The following MIA2 variants were observed in gnomAD, a reference collection of about 807,000 sequenced individuals.
MIA2 encodes MIA SH3 domain ER export factor 2.
A neutral mutation model predicts 167.8 loss-of-function variants in MIA2; 127 were observed. That is an observed-to-expected ratio of 0.76 (90% CI 0.66 to 0.88). The LOEUF (loss-of-function observed/expected upper bound fraction) is 0.88. MIA2 is among the 40% of genes least tolerant of loss of function. The probability of loss-of-function intolerance (pLI) is 0.00; values close to 1 mark genes in which losing one functional copy is unlikely to be tolerated. For missense variants in MIA2, 1,690 were observed against 1,624.7 expected (o/e 1.04, Z -0.69); for synonymous variants, 552 against 541.9 (o/e 1.02, Z -0.26).
intron 9 of MIA2, among the ~76,000 whole-genome samples, chr14:39,286,655 G>T (rs140801785): frequency 6.7e-6 from 1 of 150,052 alleles, no homozygotes; most frequent in Non-Finnish European, 1.5e-5. Context: ...CTCTGATTTG[G>T]ATATCTTTTC....
chr14:39,262,934 C>G lies in MIA2; in HGVS notation c.1887+9763C>G, dbSNP rs181017565. ...TTTTGGGCTGAGATGATGGGGTTTT[C>G]TAAATATACAATCATGTCACCTGCA... On this transcript the variant is annotated intron_variant, in intron 6 of 28. Transcript: ENST00000640607. Among the ~76,000 whole-genome samples, 336 of 152,276 alleles carry G rather than the reference C, an allele frequency of 2.2e-3. 4 individuals carry two copies. Among genetic ancestry groups the G allele is most frequent in the Middle Eastern group, 0.01 (3 of 294 alleles).
At chr14:39,268,865 C>T (rs978159860) in intron 6 of MIA2, among the ~76,000 whole-genome samples, 3 of 151,990 alleles carry the variant, frequency 2.0e-5, no homozygotes, top group African/African-American at 4.8e-5. Flanking sequence ...AGAAGGACTC[C>T]CAGGTTTCTG....
At chr14:39,300,172 ATACT>A (rs2152872556) in intron 14 of MIA2, among the ~76,000 whole-genome samples, 186 bp downstream of exon 14, 1 of 152,322 alleles carries the variant, frequency 6.6e-6, no homozygotes, top group East Asian at 1.9e-4. Context: ...ACACACACAC[ATACT>A]TATATGAATA....
chr14:39,369,654 T>C (rs115217442), intron 23 of MIA2, among the ~76,000 whole-genome samples: 344 of 152,352 alleles, frequency 2.3e-3, no homozygotes, highest in African/African-American at 7.8e-3. Context: ...TTTACTGTTA[T>C]GGGATTTCAG....
chr14:39,275,104 A>T (rs866469665), intron 6 of MIA2, among the ~76,000 whole-genome samples: 2 of 132,746 alleles, frequency 1.5e-5, no homozygotes, highest in African/African-American at 2.8e-5. Context: ...TTTTTTTTTT[A>T]AATTATTCCT....
At chr14:39,256,809 G>A (rs2054835601) in intron 6 of MIA2, among the ~76,000 whole-genome samples, 2 of 152,086 alleles carry the variant, frequency 1.3e-5, no homozygotes, top group African/African-American at 4.8e-5. Flanking sequence ...AGAGACTTAT[G>A]CCAAGAATAG....
chr14:39,241,831 T>G (rs896849082), intron 3 of MIA2, among the ~76,000 whole-genome samples: 2 of 152,236 alleles, frequency 1.3e-5, no homozygotes, highest in Non-Finnish European at 2.9e-5. Flanking sequence ...CCACATGATC[T>G]GCTCCTGCCT....
At chr14:39,266,416 C>T in intron 6 of MIA2, 1 of 985,424 alleles carries the variant, frequency 1.0e-6, no homozygotes, top group Non-Finnish European at 1.2e-6. Context: ...CGGAGGAAAA[C>T]AGCACGCACC....
At chr14:39,298,413 T>TTATATATA (rs71130838) in intron 13 of MIA2, among the ~76,000 whole-genome samples, 6 of 26,152 alleles carry the variant, frequency 2.3e-4, no homozygotes, top group South Asian at 1.4e-3. Flanking sequence ...TGATTCTGTT[T>TTATATATA]TATATATATA....
chr14:39,281,244 C>G (rs1218610157), intron 9 of MIA2, among the ~76,000 whole-genome samples: 2 of 152,164 alleles, frequency 1.3e-5, no homozygotes, highest in South Asian at 4.1e-4. Context: ...TTTTGAAACA[C>G]TCTTGATTGT....
chr14:39,267,067 A>G, intron 6 of MIA2: 1 of 1,059,796 alleles, frequency 9.4e-7, no homozygotes, highest in Non-Finnish European at 1.1e-6. Flanking sequence ...TTAAGAGCAA[A>G]CGACCCGGAC....
rs558848153 is a variant in MIA2, at chr14:39,315,120, T to TAA, written c.3180+346_3180+347dup. The TAA allele has an allele frequency of 5.8e-3, 618 of 105,808 alleles. 12 individuals carry two copies. The highest frequency in any genetic ancestry group is 0.017 in the African/African-American group (379 of 22,890). 6.6% of individuals were successfully genotyped at this position (105,808 alleles called of 1,614,324 possible). ...TAACATGGCAAAACCCTGTCTCTAC[T>TAA]AAAAAAAAAAAAAAAAAAAAAAAAA... is the stretch of plus-strand genomic sequence containing the variant. On this transcript the variant is annotated intron_variant, in intron 20 of 28. Transcript: ENST00000640607.
Position 39,315,707 on chromosome 14 carries a change from CATG to C in MIA2, c.3208_3210del (p.Asp1070del). ...GATTATTTCCCATGAGAAAAAAGCA[CATG>C]ATAATTGGGTAAGTTTAAAATTTCC... On this transcript the variant is annotated inframe_deletion, in exon 21 of 29. Coordinates refer to ENST00000640607, the MANE Select transcript of MIA2 (RefSeq NM_001329214.4). 6.4e-7 allele frequency: 1 copy of C among 1,553,084 alleles called. No homozygotes were observed. Among genetic ancestry groups the C allele is most frequent in the Non-Finnish European group, 8.8e-7 (1 of 1,136,564 alleles).
Position 39,236,975 on chromosome 14 carries a change from T to C in MIA2, c.169T>C (p.Tyr57His). 1 of 1,614,108 alleles carries C rather than the reference T, an allele frequency of 6.2e-7. No individual in the cohort carries two copies. Among genetic ancestry groups the C allele is most frequent in the Non-Finnish European group, 8.5e-7 (1 of 1,179,964 alleles). The change falls in exon 2 of 29, where the codon TAC becomes CAC. Residue 57 changes from tyrosine (Y) to histidine (H), a missense_variant. Tyr to His is a moderately conservative substitution (Grantham distance 83). Coordinates refer to ENST00000640607, the MANE Select transcript of MIA2 (RefSeq NM_001329214.4). ...AGATTATAGAGGACCTGACTGCCGATACCTGAACTTCACTAAGGGAGAAGA... is the reference window on the plus strand; with the variant it reads ...AGATTATAGAGGACCTGACTGCCGACACCTGAACTTCACTAAGGGAGAAGA... ...MRDYRGPDCR[Y>H]LNFTKGEEIS...
intron 6 of MIA2, chr14:39,267,254 A>G (rs2055950508): frequency 1.4e-6 from 2 of 1,412,478 alleles, no homozygotes; most frequent in African/African-American, 1.5e-5. Context: ...AAGTATAACA[A>G]GAGGGTCGGG....
chr14:39,269,086 T>A, intron 6 of MIA2: 2 of 959,680 alleles, frequency 2.1e-6, no homozygotes, highest in Non-Finnish European at 2.5e-6. Flanking sequence ...TTTTTTTTTT[T>A]TTTTTTTTTT....
intron 22 of MIA2, among the ~76,000 whole-genome samples, chr14:39,318,994 A>T (rs1261866968): frequency 6.6e-6 from 1 of 152,186 alleles, no homozygotes; most frequent in Non-Finnish European, 1.5e-5. Context: ...AAGGCTCCAC[A>T]TAACATCACT....
At position 39,248,082 on chromosome 14, in the gene MIA2, A is replaced by C. The variant is rs370603935; in HGVS notation, c.1508A>C (p.Asp503Ala). The change falls in exon 4 of 29, where the codon GAT becomes GCT. Residue 503 changes from aspartate to alanine, a missense_variant. By Grantham distance (126) the Asp-to-Ala change is moderately radical. Transcript: ENST00000640607. ...ENEETGEFSI[D>A]NYPTDNTKVM... ...GAAGAAACTGGAGAATTTTCCATTG[A>C]TAATTATCCCACAGATAATACAAAA... 6.4e-6 allele frequency: 10 copies of C among 1,563,360 alleles called. No individual in the cohort carries two copies. The highest frequency in any genetic ancestry group is 8.6e-6 in the Non-Finnish European group (10 of 1,161,776).
At chr14:39,267,621 T>G (rs2056151382) in intron 6 of MIA2, 1 of 1,414,854 alleles carries the variant, frequency 7.1e-7, no homozygotes, top group Admixed American at 2.1e-5. Flanking sequence ...GCCGCCGTGG[T>G]CAGAGGTCCC....
Sources: allele counts gnomAD v4.1 joint callset (sites outside exome capture counted in the v4.1 genomes callset), GRCh38; gene constraint gnomAD v4.1.1; transcripts MANE v1.5; gene names NCBI Gene and HGNC (gene_info 2026-07-23, HGNC 2026-07-21).